Variants in TMTC2 observed in about 807,000 individuals in gnomAD.
The protein encoded by TMTC2 is transmembrane O-mannosyltransferase targeting cadherins 2, also known as protein O-mannosyl-transferase TMTC2.
Under a neutral mutation model 82.4 loss-of-function variants are expected in TMTC2, and 43 were observed. The ratio of observed to expected loss-of-function variants is 0.52; its 90% confidence interval spans 0.41 to 0.67. The LOEUF (loss-of-function observed/expected upper bound fraction) is 0.67. Ranked by LOEUF, TMTC2 falls within the 30% of genes least tolerant of loss-of-function variation. The pLI, the probability that TMTC2 is intolerant of heterozygous loss-of-function variation, is 0.00. For missense variants in TMTC2, 919 were observed against 1,012.4 expected (o/e 0.91, Z 1.25); for synonymous variants, 408 against 381.9 (o/e 1.07, Z -0.80).
chr12:83,048,100 C>A (rs547222642), intron 9 of TMTC2, among the ~76,000 whole-genome samples: 1 of 152,090 alleles, frequency 6.6e-6, no homozygotes, highest in Non-Finnish European at 1.5e-5. Flanking sequence ...TGTATTAATG[C>A]GTTTGCTTAA....
At chr12:83,086,626 A>T in intron 11 of TMTC2, among the ~76,000 whole-genome samples, 1 of 152,180 alleles carries the variant, frequency 6.6e-6, no homozygotes, top group East Asian at 1.9e-4. Context: ...TAGAGCAAAT[A>T]TCACAACAGA....
intron 1 of TMTC2, among the ~76,000 whole-genome samples, chr12:82,846,215 C>A (rs1242374372): frequency 1.3e-5 from 2 of 151,896 alleles, no homozygotes; most frequent in South Asian, 2.1e-4. Flanking sequence ...AAAAATTAGC[C>A]AGCATTGTGG....
At chr12:82,841,785 T>C (rs902091876) in intron 1 of TMTC2, among the ~76,000 whole-genome samples, 4 of 152,232 alleles carry the variant, frequency 2.6e-5, no homozygotes, top group African/African-American at 7.2e-5. Context: ...AATTTTGTAA[T>C]ATGAAATTAT....
chr12:83,114,640 A>G (rs1446759820), intron 11 of TMTC2, among the ~76,000 whole-genome samples: 1 of 152,232 alleles, frequency 6.6e-6, no homozygotes, highest in Non-Finnish European at 1.5e-5. Context: ...ATAAACTATT[A>G]TCTCTCAGTT....
intron 1 of TMTC2, among the ~76,000 whole-genome samples, chr12:82,764,327 A>C (rs546759356): frequency 6.6e-6 from 1 of 152,226 alleles, no homozygotes; most frequent in African/African-American, 2.4e-5. Context: ...TGGTAGAGAC[A>C]GGGTCTCGCT....
chr12:82,730,908 A>C (rs1389321242), intron 1 of TMTC2, among the ~76,000 whole-genome samples: 1 of 152,230 alleles, frequency 6.6e-6, no homozygotes, highest in African/African-American at 2.4e-5. Context: ...CAAGTATATA[A>C]GTCGTTTTGA....
intron 2 of TMTC2, among the ~76,000 whole-genome samples, chr12:82,893,380 A>G (rs1413873268): frequency 1.4e-5 from 2 of 146,108 alleles, no homozygotes; most frequent in Non-Finnish European, 3.0e-5. Context: ...AAAAAAAAAA[A>G]AAAAGAAAAG....
At chr12:82,762,366 G>T (rs572256364) in intron 1 of TMTC2, among the ~76,000 whole-genome samples, 1 of 152,012 alleles carries the variant, frequency 6.6e-6, no homozygotes, top group Non-Finnish European at 1.5e-5. Context: ...TCCAATGCTC[G>T]TGCAGTTCTA....
intron 11 of TMTC2, among the ~76,000 whole-genome samples, chr12:83,105,408 T>C (rs1265443622): frequency 1.3e-5 from 2 of 152,128 alleles, no homozygotes; most frequent in African/African-American, 2.4e-5. Flanking sequence ...AGTAAGAGGT[T>C]TAATTGGCTG....
chr12:83,013,136 T>G (rs1184880864), intron 8 of TMTC2, among the ~76,000 whole-genome samples: 1 of 152,158 alleles, frequency 6.6e-6, no homozygotes, highest in Non-Finnish European at 1.5e-5. Flanking sequence ...GTAATACTAA[T>G]TATTACAAAT....
chr12:82,729,773 G>C (rs868192396), intron 1 of TMTC2, among the ~76,000 whole-genome samples: 2 of 152,184 alleles, frequency 1.3e-5, no homozygotes, highest in African/African-American at 4.8e-5. Flanking sequence ...TCCGTGCTGT[G>C]GTAGCTTTGT....
intron 1 of TMTC2, among the ~76,000 whole-genome samples, chr12:82,852,187 C>T (rs916692442): frequency 2.0e-5 from 3 of 151,432 alleles, no homozygotes; most frequent in Admixed American, 6.6e-5. Context: ...GTGCAAGCTC[C>T]GCCTCCCGGG....
In TMTC2 at chr12:82,731,360, T is replaced by G. The variant is rs140745347; in HGVS notation, c.83+43691T>G. Reference sequence around the variant, plus strand: ...GTTTTAAGATTTGGCAAGTATGAATTTAGAGTTTTTTCTCATCTTTTAAAG... The same window carrying G: ...GTTTTAAGATTTGGCAAGTATGAATGTAGAGTTTTTTCTCATCTTTTAAAG... On this transcript the variant is annotated intron_variant, in intron 1 of 11. Transcript: ENST00000321196. Among the ~76,000 whole-genome samples the G allele has an allele frequency of 8.9e-3, 1,351 of 152,314 alleles. 9 individuals are homozygous for G. The highest frequency in any genetic ancestry group is 0.015 in the Non-Finnish European group (1,003 of 68,020).
chr12:82,967,966 A>G (rs571664691), intron 7 of TMTC2, among the ~76,000 whole-genome samples: 1 of 152,234 alleles, frequency 6.6e-6, no homozygotes, highest in Non-Finnish European at 1.5e-5. Context: ...TCTTGAGCAC[A>G]GAAAAAAATC....
At chr12:82,900,843 T>G (rs1271151495) in intron 3 of TMTC2, among the ~76,000 whole-genome samples, 1 of 131,400 alleles carries the variant, frequency 7.6e-6, no homozygotes, top group Non-Finnish European at 1.6e-5. Flanking sequence ...TATATATATA[T>G]AGGAATATAT....
At chr12:82,837,740 C>T (rs1870128112) in intron 1 of TMTC2, among the ~76,000 whole-genome samples, 1 of 152,112 alleles carries the variant, frequency 6.6e-6, no homozygotes, top group South Asian at 2.1e-4. Flanking sequence ...CAGTAGCTGC[C>T]AAAGAAATGG....
chr12:82,825,019 T>C (rs535645745), intron 1 of TMTC2, among the ~76,000 whole-genome samples: 2 of 151,656 alleles, frequency 1.3e-5, no homozygotes, highest in Non-Finnish European at 2.9e-5. Context: ...AACCCGGAAG[T>C]TGGAGGTTGC....
chr12:83,113,350 G>A (rs1023632079), intron 11 of TMTC2, among the ~76,000 whole-genome samples: 3 of 152,182 alleles, frequency 2.0e-5, no homozygotes, highest in East Asian at 1.9e-4. Context: ...TTAAAACCTT[G>A]TAGATAAAAA....
chr12:83,125,278 G>A (rs1321077125), intron 11 of TMTC2, among the ~76,000 whole-genome samples: 1 of 152,174 alleles, frequency 6.6e-6, no homozygotes, highest in Non-Finnish European at 1.5e-5. Flanking sequence ...CATTTTAGAA[G>A]TAGTGGCTAT....
Sources: allele counts gnomAD v4.1 joint callset (sites outside exome capture counted in the v4.1 genomes callset), GRCh38; gene constraint gnomAD v4.1.1; transcripts MANE v1.5; gene names NCBI Gene and HGNC (gene_info 2026-07-23, HGNC 2026-07-21).